XKR4: variants seen among roughly 807,000 people sequenced by gnomAD.
The protein encoded by XKR4 is XK related 4, also known as XK-related protein 4.
Under a neutral mutation model 53.9 loss-of-function variants are expected in XKR4, and 12 were observed. The ratio of observed to expected loss-of-function variants is 0.22; its 90% CI spans 0.14 to 0.36. XKR4 has a LOEUF of 0.36. XKR4 is among the 10% of genes least tolerant of loss of function. XKR4 has a pLI of 1.00. For synonymous variants in XKR4, 354 were observed against 362.4 expected, an observed-to-expected ratio of 0.98 and a Z score of 0.26; for missense variants, 799 against 859.5, an observed-to-expected ratio of 0.93 and a Z score of 0.88.
At chr8:55,294,259 C>A (rs1819070449) in intron 1 of XKR4, among the ~76,000 whole-genome samples, 4 of 152,142 alleles carry the variant, frequency 2.6e-5, no homozygotes, top group Non-Finnish European at 5.9e-5. Flanking sequence ...TAAATTTTAT[C>A]TTCTCTAAGA....
In XKR4 at chr8:55,102,486, A is replaced by T; in HGVS notation, c.-3A>T. The T allele has an allele frequency of 6.5e-7, 1 of 1,549,266 alleles. No homozygotes were observed. The highest frequency in any genetic ancestry group is 8.7e-7 in the Non-Finnish European group (1 of 1,143,074). ...GAGGGCTCTCCTCCGGTGTGGAGGC[A>T]TCATGGCCGCTAAATCAGACGGGAG... is the stretch of plus-strand genomic sequence containing the variant. On this transcript the variant is annotated 5_prime_UTR_variant, in exon 1 of 3. Coordinates refer to ENST00000327381, the MANE Select transcript of XKR4 (RefSeq NM_052898.2). The surrounding 1 kb of genome is among the most constrained non-coding windows in gnomAD (Gnocchi z 5.1).
At position 55,181,257 on chromosome 8, in the gene XKR4, G is replaced by A. The variant is rs545153407; in HGVS notation, c.806+77963G>A. Among the ~76,000 whole-genome samples, 3 of 152,016 alleles carry A rather than the reference G, an allele frequency of 2.0e-5. No homozygotes were observed. The South Asian group carries it at 6.2e-4, about 32-fold the overall frequency. On this transcript the variant is annotated intron_variant, in intron 1 of 2. Transcript: ENST00000327381. ...TTAATTGGTTGGGTCTAATATCATC[G>A]TTTCTTTCTCTGTGTGTGTCTCATT...
chr8:55,250,860 A>C (rs1052452453), intron 1 of XKR4, among the ~76,000 whole-genome samples: 1 of 152,238 alleles, frequency 6.6e-6, no homozygotes, highest in Non-Finnish European at 1.5e-5. Context: ...TTACCTTAAA[A>C]CCATGGAAAA....
chr8:55,418,898 T>G (rs1425363441), intron 2 of XKR4, among the ~76,000 whole-genome samples: 2 of 152,146 alleles, frequency 1.3e-5, no homozygotes, highest in Non-Finnish European at 2.9e-5. Flanking sequence ...TGCTTTTTTT[T>G]TTTTAATTAG....
At chr8:55,401,775 G>A (rs76958269) in intron 2 of XKR4, among the ~76,000 whole-genome samples, 6,070 of 152,252 alleles carry the variant, frequency 0.04, 391 homozygotes, top group African/African-American at 0.14. Flanking sequence ...TGAAGGACCC[G>A]AAAAGGCCTT....
intron 1 of XKR4, among the ~76,000 whole-genome samples, chr8:55,206,381 CT>C (rs1817651205): frequency 6.6e-6 from 1 of 152,116 alleles, no homozygotes; most frequent in South Asian, 2.1e-4. Flanking sequence ...TTACAATCCT[CT>C]AGCTAAACAG....
chr8:55,271,423 A>G lies in XKR4; in HGVS notation c.807-86255A>G, dbSNP rs182375510. 3.0e-4 allele frequency among the ~76,000 whole-genome samples: 46 copies of G among 152,318 alleles called. No individual in the cohort carries two copies. In the East Asian group the frequency reaches 5.4e-3, roughly 18 times the overall value. ...TTTAACTACTTGTTTTGTTTTGAGG[A>G]TTTCGAAAAGTAGTAATTAAGAGAG... On this transcript the variant is annotated intron_variant, in intron 1 of 2. Coordinates refer to ENST00000327381, the MANE Select transcript of XKR4 (RefSeq NM_052898.2).
At chr8:55,314,652 C>T (rs1418543109) in intron 1 of XKR4, among the ~76,000 whole-genome samples, 1 of 152,152 alleles carries the variant, frequency 6.6e-6, no homozygotes, top group Non-Finnish European at 1.5e-5. Context: ...TGATTTTTAG[C>T]ATTAAGTATT....
At chr8:55,276,592 TTC>T (rs1233925470) in intron 1 of XKR4, among the ~76,000 whole-genome samples, 3 of 152,194 alleles carry the variant, frequency 2.0e-5, no homozygotes, top group African/African-American at 7.2e-5. Flanking sequence ...CTGAAGTAAT[TTC>T]TGTTTCCTAT....
At chr8:55,238,408 G>A (rs1215209647) in intron 1 of XKR4, among the ~76,000 whole-genome samples, 2 of 152,160 alleles carry the variant, frequency 1.3e-5, no homozygotes, top group Non-Finnish European at 2.9e-5. Flanking sequence ...GGAGGAGGAG[G>A]AAAAGGAAGG....
At chr8:55,295,774 A>G (rs932461851) in intron 1 of XKR4, among the ~76,000 whole-genome samples, 7 of 152,164 alleles carry the variant, frequency 4.6e-5, no homozygotes, top group Non-Finnish European at 8.8e-5. Context: ...TCAATAGAGC[A>G]TAAATACTAA....
At chr8:55,371,675 G>A (rs1368566861) in intron 2 of XKR4, among the ~76,000 whole-genome samples, 2 of 152,174 alleles carry the variant, frequency 1.3e-5, no homozygotes, top group African/African-American at 2.4e-5. Flanking sequence ...TAAAAGTACT[G>A]GCAGAATAAA....
intron 2 of XKR4, among the ~76,000 whole-genome samples, chr8:55,514,518 A>G (rs1475561316): frequency 6.6e-6 from 1 of 151,936 alleles, no homozygotes; most frequent in Non-Finnish European, 1.5e-5. Flanking sequence ...CGGCCTCCCA[A>G]AGCATGCTGG....
At chr8:55,410,003 A>G (rs1481326294) in intron 2 of XKR4, among the ~76,000 whole-genome samples, 1 of 152,034 alleles carries the variant, frequency 6.6e-6, no homozygotes, top group Non-Finnish European at 1.5e-5. Flanking sequence ...AATTGTGAGA[A>G]CAGTCTGACT....
chr8:55,500,125 T>C (rs2129403345), intron 2 of XKR4, among the ~76,000 whole-genome samples: 1 of 144,000 alleles, frequency 6.9e-6, no homozygotes, highest in African/African-American at 2.7e-5. Flanking sequence ...AAGGGCACGA[T>C]GAGGAGCAAG....
chr8:55,475,261 T>C (rs1805960504), intron 2 of XKR4, among the ~76,000 whole-genome samples: 1 of 152,100 alleles, frequency 6.6e-6, no homozygotes, highest in East Asian at 1.9e-4. Context: ...ATAGCCGCAC[T>C]ATATGTGATG....
At chr8:55,512,236 TC>T (rs919737830) in intron 2 of XKR4, among the ~76,000 whole-genome samples, 67 of 152,190 alleles carry the variant, frequency 4.4e-4, no homozygotes, top group African/African-American at 1.6e-3. Flanking sequence ...GTCTGGAGGG[TC>T]CCCTTCCCTC....
At chr8:55,335,778 T>C (rs1163065402) in intron 1 of XKR4, among the ~76,000 whole-genome samples, 1 of 152,110 alleles carries the variant, frequency 6.6e-6, no homozygotes, top group Non-Finnish European at 1.5e-5. Flanking sequence ...ACAGCTTGGG[T>C]AGATCTCAAA....
intron 1 of XKR4, among the ~76,000 whole-genome samples, chr8:55,274,142 A>G (rs896218743): frequency 6.6e-6 from 1 of 152,276 alleles, no homozygotes. Flanking sequence ...TCAATAATCC[A>G]GAAATGTGAA....
Sources: allele counts gnomAD v4.1 joint callset (sites outside exome capture counted in the v4.1 genomes callset), GRCh38; gene constraint gnomAD v4.1.1; non-coding constraint Gnocchi (gnomAD v3.1); transcripts MANE v1.5; gene names NCBI Gene and HGNC (gene_info 2026-07-23, HGNC 2026-07-21).